Variants in PVT1 observed in about 807,000 individuals in gnomAD.
The protein encoded by PVT1 is CXCR4/PVT1 fusion.
At chr8:128,013,925 T>C (rs1400292600) in intron 4 of PVT1, among the ~76,000 whole-genome samples, 1 of 152,224 alleles carries the variant, frequency 6.6e-6, no homozygotes, top group African/African-American at 2.4e-5. Context: ...GATGCTGTGT[T>C]AAATCCTGGA....
At chr8:128,087,770 T>TTTTTTTTTTTTTTTTTTTTG (rs370583568) in intron 5 of PVT1, among the ~76,000 whole-genome samples, 1 of 115,592 alleles carries the variant, frequency 8.7e-6, no homozygotes, top group African/African-American at 3.3e-5. Flanking sequence ...TTTTTTTTTT[T>TTTTTTTTTTTTTTTTTTTTG]GAGATGGAGT....
intron 4 of PVT1, among the ~76,000 whole-genome samples, chr8:128,061,059 G>A (rs1813824643): frequency 6.6e-6 from 1 of 152,138 alleles, no homozygotes; most frequent in Admixed American, 6.5e-5. Context: ...ACAGGCATGT[G>A]TCATCACGTC....
intron 4 of PVT1, among the ~76,000 whole-genome samples, chr8:128,046,296 C>A (rs1235956777): frequency 6.6e-6 from 1 of 152,208 alleles, no homozygotes; most frequent in Non-Finnish European, 1.5e-5. Context: ...CAGCTCACAA[C>A]CAACAAAATG....
chr8:128,090,114 T>C (rs1326462865), intron 5 of PVT1, among the ~76,000 whole-genome samples: 2 of 152,240 alleles, frequency 1.3e-5, no homozygotes, highest in African/African-American at 4.8e-5. Context: ...GATGGGGACC[T>C]GAATGTTTAT....
At chr8:127,850,949 A>G (rs763693590) in intron 2 of PVT1, among the ~76,000 whole-genome samples, 1 of 152,064 alleles carries the variant, frequency 6.6e-6, no homozygotes, top group African/African-American at 2.4e-5. Flanking sequence ...GGAGATTGCA[A>G]TGAGCCAAGA....
chr8:128,070,588 C>T (rs1813973276), intron 5 of PVT1, among the ~76,000 whole-genome samples: 1 of 152,150 alleles, frequency 6.6e-6, no homozygotes, highest in Non-Finnish European at 1.5e-5. Flanking sequence ...CTGCTGCAGA[C>T]ATCACTTTGT....
intron 5 of PVT1, among the ~76,000 whole-genome samples, chr8:128,084,158 C>G (rs1814226642): frequency 6.6e-6 from 1 of 152,138 alleles, no homozygotes; most frequent in African/African-American, 2.4e-5. Flanking sequence ...TGAGACTAAA[C>G]CACTCAAAAT....
intron 3 of PVT1, among the ~76,000 whole-genome samples, chr8:127,929,340 G>A (rs569361320): frequency 1.2e-4 from 18 of 151,914 alleles, no homozygotes; most frequent in Non-Finnish European, 2.1e-4. Flanking sequence ...CTAGTACACC[G>A]TTTTGCCTCG....
intron 4 of PVT1, among the ~76,000 whole-genome samples, chr8:127,994,281 G>A (rs532615681): frequency 5.3e-5 from 8 of 152,120 alleles, no homozygotes; most frequent in African/African-American, 1.9e-4. Flanking sequence ...TTGGGATCTC[G>A]CCTGGAAACA....
At chr8:127,955,707 C>G (rs547214150) in intron 3 of PVT1, among the ~76,000 whole-genome samples, 1 of 152,074 alleles carries the variant, frequency 6.6e-6, no homozygotes, top group Admixed American at 6.6e-5. Context: ...CTCAGCCTCC[C>G]GAGTAGCTGG....
At chr8:128,041,127 CAT>C (rs927255035) in intron 4 of PVT1, among the ~76,000 whole-genome samples, 2 of 148,406 alleles carry the variant, frequency 1.3e-5, no homozygotes, top group South Asian at 2.1e-4. Flanking sequence ...TATGTTTGTG[CAT>C]GTGTGTGCAT....
Position 127,956,725 on chromosome 8 carries a change from C to T in PVT1, n.783-32437C>T, listed in dbSNP as rs149694389. 5.2e-3 allele frequency among the ~76,000 whole-genome samples: 787 copies of T among 152,302 alleles called. 9 individuals are homozygous for T. The highest frequency in any genetic ancestry group is 0.02 in the Middle Eastern group (6 of 294). On this transcript the variant is annotated intron_variant and non_coding_transcript_variant, in intron 3 of 10. Transcript: ENST00000651587. ...GTCTGGATCTCTTGACCTCGTGATC[C>T]GCCTACCTTGGCCTCCCAAAGTGTT... is the stretch of plus-strand genomic sequence containing the variant.
At chr8:127,863,276 A>G (rs1345826735) in intron 2 of PVT1, among the ~76,000 whole-genome samples, 1 of 151,714 alleles carries the variant, frequency 6.6e-6, no homozygotes, top group Non-Finnish European at 1.5e-5. Flanking sequence ...TGCGCCAGCT[A>G]ATTTTTTGCA....
intron 4 of PVT1, among the ~76,000 whole-genome samples, chr8:128,016,772 C>A (rs891530796): frequency 8.5e-5 from 13 of 152,164 alleles, no homozygotes; most frequent in Admixed American, 3.9e-4. Flanking sequence ...GTTATCCTGG[C>A]CAGAAAGCCA....
chr8:127,816,434 C>G (rs4733778), intron 2 of PVT1, among the ~76,000 whole-genome samples: 1 of 150,828 alleles, frequency 6.6e-6, no homozygotes, highest in Non-Finnish European at 1.5e-5. Flanking sequence ...AGGCGTGAGC[C>G]GCTATGCCAG....
intron 4 of PVT1, among the ~76,000 whole-genome samples, chr8:128,004,291 A>G (rs1195547164): frequency 2.6e-5 from 4 of 152,138 alleles, no homozygotes; most frequent in African/African-American, 9.7e-5. Flanking sequence ...GGTCCTTGTA[A>G]TCCAGCCAGT....
At chr8:128,034,980 C>A (rs1405377083) in intron 4 of PVT1, among the ~76,000 whole-genome samples, 1 of 152,220 alleles carries the variant, frequency 6.6e-6, no homozygotes, top group Non-Finnish European at 1.5e-5. Context: ...AAAGTCCTGG[C>A]ATGAGCAGTA....
intron 3 of PVT1, among the ~76,000 whole-genome samples, chr8:127,943,849 G>A (rs1050931398): frequency 1.3e-5 from 2 of 152,142 alleles, no homozygotes; most frequent in African/African-American, 4.8e-5. Flanking sequence ...AGGGTTTAAA[G>A]TGAATTTCAT....
chr8:128,008,914 G>A (rs377049078), intron 4 of PVT1: 20 of 524,964 alleles, frequency 3.8e-5, no homozygotes, highest in African/African-American at 3.3e-4. Context: ...TCATGTAGAT[G>A]TTTAAGCTCT....
Sources: allele counts gnomAD v4.1 joint callset (sites outside exome capture counted in the v4.1 genomes callset), GRCh38; gene constraint gnomAD v4.1.1; transcripts MANE v1.5; gene names NCBI Gene and HGNC (gene_info 2026-07-23, HGNC 2026-07-21).